IPO13: variants seen among roughly 807,000 people sequenced by gnomAD.
IPO13 encodes importin-13.
Under a neutral mutation model 115.5 loss-of-function variants are expected in IPO13, and 28 were observed. That is an observed-to-expected ratio of 0.24 (90% CI 0.18 to 0.33). IPO13 has a LOEUF of 0.33. IPO13 is among the 10% of genes least tolerant of loss of function. The probability of loss-of-function intolerance (pLI) is 1.00; values close to 1 mark genes in which losing one functional copy is unlikely to be tolerated. For synonymous variants in IPO13, 414 were observed against 478.9 expected (o/e 0.86, Z 1.77); for missense variants, 785 against 1,204.6 (o/e 0.65, Z 5.16).
In IPO13 at chr1:43,966,670, C is replaced by T; in HGVS notation, c.2464+29C>T. The T allele has an allele frequency of 1.2e-6, 2 of 1,614,118 alleles. No individual in the cohort carries two copies. Among genetic ancestry groups the T allele is most frequent in the Non-Finnish European group, 1.7e-6 (2 of 1,179,948 alleles). On this transcript the variant is annotated intron_variant, in intron 16 of 19. Coordinates refer to ENST00000372343, the MANE Select transcript of IPO13 (RefSeq NM_014652.4). The surrounding 1 kb of genome is among the most constrained non-coding windows in gnomAD (Gnocchi z 4.1). ...AGTGGGGCGAGATGGACAGGTGGGC[C>T]TGGGGCTCCCCTAGAAGGATCGTTA...
At position 43,961,214 on chromosome 1, in the gene IPO13, G is replaced by T; in HGVS notation, c.2296G>T (p.Ala766Ser). 1 of 1,614,006 alleles carries T rather than the reference G, an allele frequency of 6.2e-7. No homozygotes were observed. The highest frequency in any genetic ancestry group is 8.5e-7 in the Non-Finnish European group (1 of 1,179,974). ...GCCTGCCCACTTTCCCCCAATTGAGGCCCTCTTCCTGCTCGTCACCTCCGT... is the reference window on the plus strand; with the variant it reads ...GCCTGCCCACTTTCCCCCAATTGAGTCCCTCTTCCTGCTCGTCACCTCCGT... ...HEPAHFPPIE[A>S]LFLLVTSVTL... Residue 766 changes from alanine (A) to serine (S), a missense_variant, in exon 14 of 20, where the codon GCC (alanine) becomes TCC (serine). Around this residue, in one of 3 missense-constraint regions of IPO13, gnomAD observed 285 missense variants for 394.8 expected, o/e 0.72. Transcript: ENST00000372343.
intron 11 of IPO13, 120 bp downstream of exon 11, chr1:43,959,009 C>A: frequency 1.0e-6 from 1 of 981,654 alleles, no homozygotes; most frequent in Non-Finnish European, 1.5e-6. Flanking sequence ...TTCTCCCTGC[C>A]CCGTGGGCGT....
rs750935043 is a variant in IPO13 at position 43,949,888 on chromosome 1, C to T, written c.556C>T (p.Arg186Cys). The change falls in exon 2 of 20, where the codon CGC becomes TGC. Residue 186 changes from arginine to cysteine, a missense_variant. Arg to Cys is a radical substitution (Grantham distance 180). This residue lies in a region of IPO13 where 325 missense variants were observed against 449.8 expected (regional missense o/e 0.72). Coordinates refer to ENST00000372343, the MANE Select transcript of IPO13 (RefSeq NM_014652.4). ...CCAGACCAGTCGCCTACCCCAGTAC[C>T]GCAAAGGCCTGGTGCGGACCAGCCT... ...EFQTSRLPQY[R>C]KGLVRTSLAV... 5.6e-6 allele frequency: 9 copies of T among 1,611,672 alleles called. No individual in the cohort carries two copies. The highest frequency in any genetic ancestry group is 4.0e-5 in the African/African-American group (3 of 74,938).
intron 14 of IPO13, among the ~76,000 whole-genome samples, chr1:43,962,199 G>A (rs1013432412): frequency 7.9e-5 from 12 of 152,122 alleles, no homozygotes; most frequent in African/African-American, 2.9e-4. Flanking sequence ...CAGAAACCTG[G>A]TGTGGTCATC....
At position 43,967,329 on chromosome 1, in the gene IPO13, G is replaced by A; in HGVS notation, c.2628G>A (p.Gln876=). The A allele has an allele frequency of 6.2e-7, 1 of 1,613,394 alleles. No homozygotes were observed. Residue 876 remains glutamine (Q), a synonymous_variant, in exon 19 of 20, where the codon CAG becomes CAA. Transcript: ENST00000372343. The surrounding 1 kb of genome is among the most constrained non-coding windows in gnomAD (Gnocchi z 6.1). ...LIAVLEAIGG[Q]ASRSLMDCFA... is the part of the protein sequence containing the mutation. ...CTCTCCCTCAGGCCATTGGGGGCCA[G>A]GCCTCCCGCAGCCTCATGGACTGCT...
intron 14 of IPO13, 97 bp downstream of exon 14, chr1:43,961,359 C>T (rs1407195089): frequency 3.1e-6 from 3 of 964,142 alleles, no homozygotes; most frequent in South Asian, 2.6e-5. Context: ...TCTTCTCTGT[C>T]CCCTGAGTCA....
Position 43,967,785 on chromosome 1 carries a change from A to G in IPO13, c.*103A>G. The stretch of plus-strand genomic sequence containing the variant: ...TCTCTGCCTCCTTTCTGCTGTCACC[A>G]CCACCTAACTGAAAGCCTGGGTCCA... On this transcript the variant is annotated 3_prime_UTR_variant, in exon 20 of 20. Coordinates refer to ENST00000372343, the MANE Select transcript of IPO13 (RefSeq NM_014652.4). The surrounding 1 kb of genome is among the most constrained non-coding windows in gnomAD (Gnocchi z 6.1). 9.2e-7 allele frequency: 1 copy of G among 1,092,274 alleles called. No individual in the cohort carries two copies. The allele number at this position is 1,092,274 out of a possible 1,614,324, so 67.7% of individuals were successfully genotyped here. A position where few individuals can be genotyped will look rare whatever the true frequency, so the allele number is the denominator to read the frequency against.
At chr1:43,961,050 G>C in intron 13 of IPO13, 37 bp downstream of exon 13, 1 of 1,612,596 alleles carries the variant, frequency 6.2e-7, no homozygotes. Flanking sequence ...CCTGACCCTG[G>C]GTGGGGGTGG....
chr1:43,957,701 G>T, intron 7 of IPO13, 152 bp downstream of exon 7: 1 of 1,033,090 alleles, frequency 9.7e-7, no homozygotes, highest in South Asian at 1.6e-5. Context: ...GGCAGGTCTA[G>T]GGGGTCCATC....
At chr1:43,960,839 G>T in intron 12 of IPO13, 37 bp from the exon 13 acceptor site, 1 of 1,612,036 alleles carries the variant, frequency 6.2e-7, no homozygotes, top group South Asian at 1.1e-5. Flanking sequence ...AGCCAGTCAT[G>T]ACCTGCTGAC....
rs2085248823 is a variant in IPO13, at chr1:43,956,433, C to T, written c.935C>T (p.Ala312Val). 2 of 1,614,064 alleles carry T rather than the reference C, an allele frequency of 1.2e-6. No homozygotes were observed. Among genetic ancestry groups the T allele is most frequent in the African/African-American group, 1.3e-5 (1 of 74,908 alleles). The change falls in exon 3 of 20, where the codon GCT becomes GTT. Residue 312 changes from alanine (A) to valine (V), a missense_variant. This residue lies in a region of IPO13 where 325 missense variants were observed against 449.8 expected (regional missense o/e 0.72). Transcript: ENST00000372343. The surrounding 1 kb of genome is among the most constrained non-coding windows in gnomAD (Gnocchi z 4.7). ...ACCTCCCATGGCATCTGTCGCATCG[C>T]TGTGGCCCTGGGCGAGAACCACTCC... ...METSHGICRI[A>V]VALGENHSRA...
chr1:43,950,802 A>G (rs1321125235), intron 2 of IPO13, among the ~76,000 whole-genome samples: 1 of 152,192 alleles, frequency 6.6e-6, no homozygotes, highest in Non-Finnish European at 1.5e-5. Context: ...ACCTTGCCTC[A>G]GCTTAAACTT....
At chr1:43,964,440 GA>G in intron 15 of IPO13, 119 bp downstream of exon 15, 1 of 763,294 alleles carries the variant, frequency 1.3e-6, no homozygotes, top group Non-Finnish European at 2.2e-6. Context: ...CTGTTCAGTT[GA>G]ATAGAGTTTC....
intron 2 of IPO13, among the ~76,000 whole-genome samples, chr1:43,951,788 G>T (rs1158685317): frequency 6.6e-6 from 1 of 152,160 alleles, no homozygotes; most frequent in Non-Finnish European, 1.5e-5. Context: ...GAGACTTCAT[G>T]GAAGAGTGGC....
intron 11 of IPO13, 31 bp from the exon 12 acceptor site, chr1:43,960,218 A>G: frequency 6.2e-7 from 1 of 1,609,266 alleles, no homozygotes; most frequent in Non-Finnish European, 8.5e-7. Flanking sequence ...GATGGATAGC[A>G]GAAGCGCCTC....
At position 43,966,980 on chromosome 1, in the gene IPO13, A is replaced by T; in HGVS notation, c.2574A>T (p.Val858=). Residue 858 remains valine, a synonymous_variant, in exon 18 of 20, where the codon GTA becomes GTT. Coordinates refer to ENST00000372343, the MANE Select transcript of IPO13 (RefSeq NM_014652.4). The surrounding 1 kb of genome is among the most constrained non-coding windows in gnomAD (Gnocchi z 4.1). ...AAGTAGAGTCTGTGGGAAAGGTGGT[A>T]CAGGAAGACGGTCGTATGCTGCTCA... The part of the protein sequence containing the change: ...CGEVESVGKV[V]QEDGRMLLIA... The T allele has an allele frequency of 6.2e-7, 1 of 1,613,820 alleles. No homozygotes were observed. Among genetic ancestry groups the T allele is most frequent in the Non-Finnish European group, 8.5e-7 (1 of 1,180,010 alleles).
In IPO13 at chr1:43,952,235, T is replaced by A. The variant is rs2085214199; in HGVS notation, c.821+2082T>A. ...CCCAGGCTGGTGTGCAGTGGCACAA[T>A]CTCGGCTCACTGCAACCTCCGCCTC... On this transcript the variant is annotated intron_variant, in intron 2 of 19. Coordinates refer to ENST00000372343, the MANE Select transcript of IPO13 (RefSeq NM_014652.4). This position sits in a 1 kb window ranked among gnomAD's most constrained non-coding sequence, Gnocchi z 4.7. Among the ~76,000 whole-genome samples, 2 of 152,224 alleles carry A rather than the reference T, an allele frequency of 1.3e-5. No individual in the cohort carries two copies. Among genetic ancestry groups the A allele is most frequent in the Non-Finnish European group, 2.9e-5 (2 of 68,038 alleles).
chr1:43,954,278 CGGCTGTCTCCAGGCAGCACCCCCTGG>C (rs1194177988), intron 2 of IPO13, among the ~76,000 whole-genome samples: 1 of 152,170 alleles, frequency 6.6e-6, no homozygotes, highest in African/African-American at 2.4e-5. Context: ...GAAGCTATCC[CGGCTGTCTCCAGGCAGCACCCCCTGG>C]GGCTGTCTCT....
intron 7 of IPO13, 105 bp from the exon 8 acceptor site, chr1:43,957,872 G>A (rs2085262002): frequency 9.4e-7 from 1 of 1,067,906 alleles, no homozygotes. Context: ...ACTCTGTGCT[G>A]GGGCTGCAAC....
Sources: allele counts gnomAD v4.1 joint callset (sites outside exome capture counted in the v4.1 genomes callset), GRCh38; gene constraint gnomAD v4.1.1; regional missense constraint gnomAD v4.1.1; non-coding constraint Gnocchi (gnomAD v3.1); transcripts MANE v1.5; gene names NCBI Gene and HGNC (gene_info 2026-07-23, HGNC 2026-07-21).